The following PPP2R2B variants were observed in gnomAD, a reference collection of about 807,000 sequenced individuals.
PPP2R2B encodes protein phosphatase 2 regulatory subunit Bbeta.
Under a neutral mutation model 46.0 loss-of-function variants are expected in PPP2R2B, and 5 were observed. The ratio of observed to expected loss-of-function variants is 0.11; its 90% CI spans 0.06 to 0.23. The LOEUF (loss-of-function observed/expected upper bound fraction) is 0.23, where lower values mean the gene tolerates loss of function less well. Among genes scored for constraint, PPP2R2B ranks in the 10% least tolerant of loss-of-function variants. PPP2R2B has a pLI of 1.00. For missense variants in PPP2R2B, 367 were observed against 575.0 expected, an observed-to-expected ratio of 0.64 and a Z score of 3.70; for synonymous variants, 215 against 206.7, an observed-to-expected ratio of 1.04 and a Z score of -0.34.
chr5:146,999,715 C>T (rs1292427078), intron 1 of PPP2R2B, among the ~76,000 whole-genome samples: 1 of 152,168 alleles, frequency 6.6e-6, no homozygotes, highest in Non-Finnish European at 1.5e-5. Flanking sequence ...GAACATGTTA[C>T]TGACCACACT....
intron 2 of PPP2R2B, among the ~76,000 whole-genome samples, chr5:146,728,013 T>C (rs1452690885): frequency 6.6e-6 from 1 of 152,196 alleles, no homozygotes. Flanking sequence ...ACTTTTGCTC[T>C]TTTGAGATAA....
intron 2 of PPP2R2B, among the ~76,000 whole-genome samples, chr5:146,757,544 ATTGT>A (rs1187081021): frequency 3.3e-5 from 5 of 152,130 alleles, no homozygotes; most frequent in Non-Finnish European, 7.4e-5. Flanking sequence ...TGAAGAGGAC[ATTGT>A]TTTGGACATG....
At chr5:147,009,753 G>C (rs1754622497) in intron 1 of PPP2R2B, among the ~76,000 whole-genome samples, 2 of 151,816 alleles carry the variant, frequency 1.3e-5, no homozygotes, top group South Asian at 4.2e-4. Context: ...GGCATACATA[G>C]ACATGGCTAC....
chr5:146,640,767 T>C (rs1775156134), intron 6 of PPP2R2B, among the ~76,000 whole-genome samples: 1 of 152,152 alleles, frequency 6.6e-6, no homozygotes, highest in Non-Finnish European at 1.5e-5. Flanking sequence ...AAAGTAAGAA[T>C]GTGCAAAAAC....
At chr5:146,597,006 A>C (rs181550173) in intron 8 of PPP2R2B, among the ~76,000 whole-genome samples, 1 of 152,178 alleles carries the variant, frequency 6.6e-6, no homozygotes, top group Admixed American at 6.5e-5. Flanking sequence ...TTTTGCTGTC[A>C]CTCCACATGC....
At chr5:146,912,697 CG>C (rs1211130721) in intron 1 of PPP2R2B, among the ~76,000 whole-genome samples, 1 of 151,648 alleles carries the variant, frequency 6.6e-6, no homozygotes, top group Non-Finnish European at 1.5e-5. Flanking sequence ...TTAGTAGAGA[CG>C]GGGTTTCACA....
intron 2 of PPP2R2B, among the ~76,000 whole-genome samples, chr5:146,770,332 A>T (rs1313872415): frequency 3.8e-5 from 1 of 26,390 alleles, no homozygotes; most frequent in African/African-American, 7.2e-5. Flanking sequence ...TTCCGTCTCA[A>T]AAAAAAAAAA....
Position 146,624,603 on chromosome 5 carries a change from A to G in PPP2R2B, c.790+13648T>C, listed in dbSNP as rs113130825. 7.5e-3 allele frequency among the ~76,000 whole-genome samples: 1,145 copies of G among 152,314 alleles called. 25 individuals carry two copies. The highest frequency in any genetic ancestry group is 0.026 in the African/African-American group (1,089 of 41,566). ...TCCTCCTGAGGCTTCATTCTTAAATAGCCACAGAGTGACATATTAAAAGTA... is the reference window on the plus strand; with the variant it reads ...TCCTCCTGAGGCTTCATTCTTAAATGGCCACAGAGTGACATATTAAAAGTA... On this transcript the variant is annotated intron_variant, in intron 7 of 9. Transcript: ENST00000394411.
At position 146,581,633 on chromosome 5, in the gene PPP2R2B, T is replaced by G. The variant is rs370056898; in HGVS notation, c.*8314A>C. ...TTAAATAAATGCACCATTGACCACC[T>G]TCTGCCTTTTTCCTGTTAGAGTCCA... On this transcript the variant is annotated 3_prime_UTR_variant, in exon 10 of 10. Coordinates refer to ENST00000394411, the MANE Select transcript of PPP2R2B (RefSeq NM_181675.4). 3 of 152,244 alleles carry G rather than the reference T, an allele frequency of 2.0e-5. No individual in the cohort carries two copies. The highest frequency in any genetic ancestry group is 4.4e-5 in the Non-Finnish European group (3 of 68,052). The allele number at this position is 152,244 out of a possible 1,614,324, so 9.4% of individuals were successfully genotyped here.
chr5:146,823,895 T>A (rs1016331518), intron 2 of PPP2R2B, among the ~76,000 whole-genome samples: 1 of 152,162 alleles, frequency 6.6e-6, no homozygotes. Flanking sequence ...ACCAAACTTA[T>A]GCTGTAATGG....
rs557353214 is a variant in PPP2R2B at position 146,974,794 on chromosome 5, T to G, written c.79+80871A>C. Reference sequence around the variant, plus strand: ...AAGCTCCGCCTACGGGTTCACGCCATTCTCCTGCCTCAACTTCCTGAGTAG... The same window carrying G: ...AAGCTCCGCCTACGGGTTCACGCCAGTCTCCTGCCTCAACTTCCTGAGTAG... On this transcript the variant is annotated intron_variant, in intron 1 of 8. Transcript: ENST00000336640. Among the ~76,000 whole-genome samples the G allele has an allele frequency of 3.5e-3, 524 of 151,372 alleles. 6 individuals are homozygous for G. Among genetic ancestry groups the G allele is most frequent in the African/African-American group, 0.012 (487 of 41,250 alleles).
intron 1 of PPP2R2B, among the ~76,000 whole-genome samples, chr5:146,944,266 C>T (rs1764411195): frequency 6.6e-6 from 1 of 151,918 alleles, no homozygotes; most frequent in Non-Finnish European, 1.5e-5. Context: ...AATTGTGTCT[C>T]CAGGCAGGAT....
chr5:146,896,591 T>G (rs1262904581), intron 1 of PPP2R2B, among the ~76,000 whole-genome samples: 1 of 152,222 alleles, frequency 6.6e-6, no homozygotes, highest in African/African-American at 2.4e-5. Context: ...AAGAAGCTAT[T>G]CAGTTTGAAA....
intron 1 of PPP2R2B, among the ~76,000 whole-genome samples, chr5:146,987,349 A>G (rs1450123087): frequency 1.3e-5 from 2 of 152,270 alleles, no homozygotes; most frequent in South Asian, 2.1e-4. Context: ...TGACAAAAGT[A>G]TATACTGTAA....
At chr5:146,726,166 C>A (rs1470095397) in intron 2 of PPP2R2B, among the ~76,000 whole-genome samples, 3 of 152,152 alleles carry the variant, frequency 2.0e-5, no homozygotes, top group Non-Finnish European at 4.4e-5. Flanking sequence ...CAGGCACCAT[C>A]CTCTAAAGCC....
intron 2 of PPP2R2B, among the ~76,000 whole-genome samples, chr5:146,730,756 G>A (rs557846601): frequency 1.3e-5 from 2 of 152,266 alleles, no homozygotes; most frequent in South Asian, 2.1e-4. Context: ...CAGACATGTG[G>A]AACTGTAAGT....
chr5:146,595,457 G>T (rs1581670654), intron 8 of PPP2R2B, among the ~76,000 whole-genome samples: 3 of 152,200 alleles, frequency 2.0e-5, no homozygotes, highest in African/African-American at 7.2e-5. Context: ...AAACATGTGT[G>T]CTTTGGAAGT....
intron 8 of PPP2R2B, among the ~76,000 whole-genome samples, chr5:146,596,681 G>C (rs941138169): frequency 4.6e-5 from 7 of 152,164 alleles, no homozygotes; most frequent in Non-Finnish European, 8.8e-5. Flanking sequence ...GGACACTGAG[G>C]TGACTCTAGT....
At chr5:146,856,045 C>T (rs934511416) in intron 2 of PPP2R2B, among the ~76,000 whole-genome samples, 14 of 152,114 alleles carry the variant, frequency 9.2e-5, no homozygotes, top group Non-Finnish European at 1.9e-4. Context: ...GTAAGATGCC[C>T]ATATTGTCTT....
Sources: gnomAD v4.1 joint callset for allele counts (sites outside exome capture counted in the v4.1 genomes callset) on GRCh38, gnomAD v4.1.1 for gene constraint, MANE v1.5 for transcripts, NCBI Gene and HGNC (gene_info 2026-07-23, HGNC 2026-07-21) for gene names.